DLGAP2: variants seen among roughly 807,000 people sequenced by gnomAD.
DLGAP2 encodes the protein disks large-associated protein 2.
In DLGAP2, 26 loss-of-function variants were observed where a neutral mutation model predicts 100.3. That is an observed-to-expected ratio of 0.26 (90% CI 0.19 to 0.36). DLGAP2 has a LOEUF of 0.36. Ranked by LOEUF, DLGAP2 falls within the 10% of genes least tolerant of loss-of-function variation. The pLI is 1.00. For synonymous variants in DLGAP2, 886 were observed against 630.1 expected, an observed-to-expected ratio of 1.41 and a Z score of -6.08; for missense variants, 1,858 against 1,453.2, an observed-to-expected ratio of 1.28 and a Z score of -4.53.
chr8:808,938 G>T (rs571014595), intron 1 of DLGAP2, among the ~76,000 whole-genome samples: 18 of 135,914 alleles, frequency 1.3e-4, no homozygotes, highest in African/African-American at 4.9e-4. Context: ...ATGGAGTTTC[G>T]CTCTGTCCCC....
intron 2 of DLGAP2, chr8:1,032,974 A>T (rs1802016112): frequency 6.6e-6 from 1 of 152,268 alleles, no homozygotes; most frequent in Non-Finnish European, 1.5e-5. Flanking sequence ...GTGTTCAGAT[A>T]CCCAAAGGGT....
At chr8:1,621,601 A>G (rs1797338933) in intron 6 of DLGAP2, 1 of 151,530 alleles carries the variant, frequency 6.6e-6, no homozygotes, top group Admixed American at 6.6e-5. Context: ...AGAAGGCCGG[A>G]CTCTGCTCAG....
intron 6 of DLGAP2, among the ~76,000 whole-genome samples, chr8:1,576,657 G>A (rs980043705): frequency 3.9e-5 from 6 of 152,156 alleles, no homozygotes; most frequent in Non-Finnish European, 7.4e-5. Flanking sequence ...AAGGTGTAAG[G>A]AAGGGATCCA....
chr8:997,442 A>G (rs1290331938), intron 2 of DLGAP2, among the ~76,000 whole-genome samples: 1 of 152,220 alleles, frequency 6.6e-6, no homozygotes, highest in Non-Finnish European at 1.5e-5. Flanking sequence ...ATAGAAAACT[A>G]CAGAGAAGAC....
intron 2 of DLGAP2, among the ~76,000 whole-genome samples, chr8:1,081,638 C>G (rs1458603813): frequency 6.6e-6 from 1 of 152,158 alleles, no homozygotes; most frequent in African/African-American, 2.4e-5. Flanking sequence ...GGCGTGACCC[C>G]CACGCCTGGC....
chr8:1,698,326 T>C (rs1023504411), intron 14 of DLGAP2, among the ~76,000 whole-genome samples: 7 of 145,276 alleles, frequency 4.8e-5, no homozygotes, highest in Non-Finnish European at 9.0e-5. Flanking sequence ...GACAGGTCCA[T>C]GTAAGCCATG....
In DLGAP2 at chr8:1,543,336, G is replaced by T. The variant is rs529386587; in HGVS notation, c.173-5290G>T. Among the ~76,000 whole-genome samples the T allele has an allele frequency of 5.9e-5, 9 of 152,274 alleles. No homozygotes were observed. The East Asian group carries it at 1.7e-3, about 29-fold the overall frequency. ...AGCTTTATAGTTTGAGCCCTTTTCT[G>T]TCTTTAAGCCACTTTGAGTTCATTT... On this transcript the variant is annotated intron_variant, in intron 4 of 14. Transcript: ENST00000637795.
At chr8:1,632,564 G>T (rs1334599156) in intron 7 of DLGAP2, among the ~76,000 whole-genome samples, 1 of 152,170 alleles carries the variant, frequency 6.6e-6, no homozygotes, top group Non-Finnish European at 1.5e-5. Flanking sequence ...ATAACTGTCA[G>T]CCTTACCTTG....
chr8:1,163,678 G>C (rs1796936187), intron 2 of DLGAP2, among the ~76,000 whole-genome samples: 1 of 152,208 alleles, frequency 6.6e-6, no homozygotes, highest in South Asian at 2.1e-4. Context: ...TCGAGAAAAC[G>C]CTTCAGGAGC....
intron 2 of DLGAP2, among the ~76,000 whole-genome samples, chr8:1,201,710 A>T (rs879280176): frequency 6.6e-5 from 10 of 152,252 alleles, no homozygotes; most frequent in Non-Finnish European, 1.3e-4. Flanking sequence ...CAGTGAATGG[A>T]GCTTGACCCA....
At position 1,509,343 on chromosome 8, in the gene DLGAP2, AAC is replaced by A. The variant is rs1491357108; in HGVS notation, c.172+7913_172+7914del. Among the ~76,000 whole-genome samples the A allele has an allele frequency of 3.0e-3, 414 of 139,708 alleles. 4 individuals carry two copies. Among genetic ancestry groups the A allele is most frequent in the South Asian group, 0.017 (62 of 3,682 alleles). 91.7% of individuals were successfully genotyped at this position (139,708 alleles called of 152,430 possible). On this transcript the variant is annotated intron_variant, in intron 4 of 14. Transcript: ENST00000637795. ...AGACTCCGTCCAAAAAAAAAAAAAA[AAC>A]CGTATAGACTAGAAAATACCAAAGT... is the stretch of plus-strand genomic sequence containing the variant.
chr8:1,155,205 A>C (rs772364805), intron 2 of DLGAP2, among the ~76,000 whole-genome samples: 12 of 152,158 alleles, frequency 7.9e-5, no homozygotes, highest in Non-Finnish European at 1.3e-4. Flanking sequence ...CAGGGTTTCT[A>C]GGAACGCTTG....
chr8:1,523,726 G>A (rs1800692407), intron 4 of DLGAP2, among the ~76,000 whole-genome samples: 1 of 152,298 alleles, frequency 6.6e-6, no homozygotes, highest in South Asian at 2.1e-4. Context: ...CCTTTTACTA[G>A]AGATCCCGCA....
In DLGAP2 at chr8:765,054, C is replaced by T. The variant is rs117879072; in HGVS notation, c.18+27229C>T. 7.9e-5 allele frequency among the ~76,000 whole-genome samples: 12 copies of T among 152,232 alleles called. No homozygotes were observed. In the East Asian group the frequency reaches 1.7e-3, roughly 22 times the overall value. ...GAAAAGTTTGAATTGGCATTTAGAACGTATTTAGTAAAATTGGAGTATTGC... is the reference window on the plus strand; with the variant it reads ...GAAAAGTTTGAATTGGCATTTAGAATGTATTTAGTAAAATTGGAGTATTGC... On this transcript the variant is annotated intron_variant, in intron 1 of 14. Transcript: ENST00000637795.
At chr8:1,557,471 C>T (rs144701663) in intron 5 of DLGAP2, among the ~76,000 whole-genome samples, 98 of 152,144 alleles carry the variant, frequency 6.4e-4, no homozygotes, top group Non-Finnish European at 1.2e-3. Context: ...GGGTGAGCAG[C>T]GGGGACAGGT....
At chr8:1,554,449 C>T (rs1801887963) in intron 5 of DLGAP2, among the ~76,000 whole-genome samples, 1 of 152,120 alleles carries the variant, frequency 6.6e-6, no homozygotes, top group African/African-American at 2.4e-5. Flanking sequence ...CACCTCTGGC[C>T]CTCCTGCCAC....
chr8:1,609,148 G>A (rs1796916012), intron 6 of DLGAP2, among the ~76,000 whole-genome samples: 2 of 133,446 alleles, frequency 1.5e-5, no homozygotes, highest in Non-Finnish European at 3.3e-5. Context: ...GAGAAAGGTC[G>A]GGTTACCCTC....
intron 3 of DLGAP2, among the ~76,000 whole-genome samples, chr8:1,464,349 G>A (rs77985912): frequency 0.019 from 1,353 of 72,924 alleles, 71 homozygotes; most frequent in East Asian, 0.038. Flanking sequence ...TTCCAGGACG[G>A]CACCCTTCCA....
chr8:1,573,385 G>C (rs1481021588), intron 6 of DLGAP2, among the ~76,000 whole-genome samples: 1 of 112,120 alleles, frequency 8.9e-6, no homozygotes, highest in Non-Finnish European at 1.9e-5. Flanking sequence ...TGAGATGGAG[G>C]GGAGAGAGGG....
Sources: allele counts gnomAD v4.1 joint callset (sites outside exome capture counted in the v4.1 genomes callset), GRCh38; gene constraint gnomAD v4.1.1; transcripts MANE v1.5; gene names NCBI Gene and HGNC (gene_info 2026-07-23, HGNC 2026-07-21).